Variants in GPHN observed in about 807,000 individuals in gnomAD.
GPHN encodes the protein gephyrin.
Under a neutral mutation model 95.5 loss-of-function variants are expected in GPHN, and 17 were observed. That is an observed-to-expected ratio of 0.18 (90% CI 0.12 to 0.27). The LOEUF (loss-of-function observed/expected upper bound fraction) is 0.27. GPHN is among the 10% of genes least tolerant of loss of function. The probability of loss-of-function intolerance (pLI) is 1.00; values close to 1 mark genes in which losing one functional copy is unlikely to be tolerated. For synonymous variants in GPHN, 320 were observed against 322.5 expected, an observed-to-expected ratio of 0.99 and a Z score of 0.08; for missense variants, 660 against 978.1, an observed-to-expected ratio of 0.67 and a Z score of 4.34.
rs577803031 is a variant in GPHN at position 67,118,729 on chromosome 14, C to A, written c.1627-3527C>A. 2.0e-5 allele frequency among the ~76,000 whole-genome samples: 3 copies of A among 150,326 alleles called. No homozygotes were observed. The East Asian group carries it at 5.9e-4, about 29-fold the overall frequency. On this transcript the variant is annotated intron_variant, in intron 16 of 22. Coordinates refer to ENST00000478722, the MANE Select transcript of GPHN (RefSeq NM_020806.5). ...CCAGGGCGACAGAGCGAGACTCCGT[C>A]TCAAAAAAAAAAAAAGATTCATCCC... is the stretch of plus-strand genomic sequence containing the variant.
intron 5 of GPHN, among the ~76,000 whole-genome samples, chr14:66,881,443 G>T (rs747961312): frequency 7.2e-5 from 11 of 151,752 alleles, no homozygotes; most frequent in Non-Finnish European, 1.2e-4. Flanking sequence ...CATCAGGAAA[G>T]AATTAAACTT....
intron 8 of GPHN, among the ~76,000 whole-genome samples, chr14:66,935,505 T>TA (rs1555445365): frequency 2.7e-5 from 4 of 150,028 alleles, no homozygotes; most frequent in Non-Finnish European, 4.4e-5. Flanking sequence ...GTGTGTGTTT[T>TA]TATATATATA....
chr14:66,859,007 T>C (rs2062913772), intron 4 of GPHN, among the ~76,000 whole-genome samples: 2 of 151,972 alleles, frequency 1.3e-5, no homozygotes, highest in African/African-American at 2.4e-5. Flanking sequence ...ACCAGGTAAA[T>C]GTCTAAGGTT....
chr14:66,967,025 T>C (rs2069379161), intron 9 of GPHN, among the ~76,000 whole-genome samples: 1 of 151,948 alleles, frequency 6.6e-6, no homozygotes, highest in South Asian at 2.1e-4. Context: ...GCAAGTGGCT[T>C]GTCTTGATAT....
the GPHN span, among the ~76,000 whole-genome samples, chr14:67,658,017 G>A: frequency 6.6e-6 from 1 of 152,116 alleles, no homozygotes; most frequent in Non-Finnish European, 1.5e-5. Context: ...CCAAGGTGCT[G>A]GGATTACAGG....
the GPHN span, chr14:67,467,978 A>AT: frequency 1.2e-3 from 174 of 146,430 alleles, no homozygotes; most frequent in South Asian, 1.5e-3. Context: ...TGCTATTTCA[A>AT]TTTTTTTTTT....
intron 9 of GPHN, among the ~76,000 whole-genome samples, chr14:66,971,540 G>C (rs989783331): frequency 1.3e-5 from 2 of 152,116 alleles, no homozygotes; most frequent in Non-Finnish European, 2.9e-5. Context: ...TGTTCTGATT[G>C]AAGAATAAAC....
the GPHN span, among the ~76,000 whole-genome samples, chr14:67,503,097 G>A: frequency 3.9e-5 from 6 of 152,280 alleles, no homozygotes; most frequent in Non-Finnish European, 8.8e-5. Flanking sequence ...TAGTGGCGCT[G>A]CACGGAGAGA....
intron 1 of GPHN, among the ~76,000 whole-genome samples, chr14:66,525,436 G>A (rs1185499286): frequency 6.6e-6 from 1 of 152,170 alleles, no homozygotes; most frequent in Non-Finnish European, 1.5e-5. Context: ...CTCCCATTCT[G>A]TAGGTTGCCT....
intron 10 of GPHN, among the ~76,000 whole-genome samples, chr14:67,026,997 C>T (rs1214418614): frequency 3.3e-5 from 5 of 152,102 alleles, no homozygotes; most frequent in Admixed American, 3.3e-4. Flanking sequence ...TTCAATAAGG[C>T]CTTCAAAACC....
intron 4 of GPHN, among the ~76,000 whole-genome samples, chr14:66,869,859 G>A (rs2063363645): frequency 6.6e-6 from 1 of 152,080 alleles, no homozygotes; most frequent in Non-Finnish European, 1.5e-5. Context: ...GGAAACTTAG[G>A]TTAAATATTT....
At chr14:67,632,513 G>A in the GPHN span, among the ~76,000 whole-genome samples, 2 of 152,112 alleles carry the variant, frequency 1.3e-5, no homozygotes, top group Non-Finnish European at 2.9e-5. Flanking sequence ...CTTAACACAG[G>A]AGGTGGTTTT....
chr14:67,070,090 T>A (rs1405315027), intron 11 of GPHN, among the ~76,000 whole-genome samples: 2 of 152,120 alleles, frequency 1.3e-5, no homozygotes, highest in Non-Finnish European at 1.5e-5. Context: ...AACTCATTCA[T>A]AATTCCCTTC....
the GPHN span, among the ~76,000 whole-genome samples, chr14:67,568,570 C>T: frequency 6.6e-6 from 1 of 152,020 alleles, no homozygotes; most frequent in African/African-American, 2.4e-5. Flanking sequence ...AAAACCTGCA[C>T]ATCTTGCATA....
At chr14:66,738,497 C>T (rs1176698018) in intron 2 of GPHN, among the ~76,000 whole-genome samples, 1 of 152,040 alleles carries the variant, frequency 6.6e-6, no homozygotes, top group Admixed American at 6.5e-5. Flanking sequence ...TACTTTAAAA[C>T]CTTTGCATTG....
chr14:67,668,558 T>C, the GPHN span, among the ~76,000 whole-genome samples: 3 of 152,210 alleles, frequency 2.0e-5, no homozygotes, highest in South Asian at 2.1e-4. Flanking sequence ...CAATCATATA[T>C]CAATATTTTC....
chr14:67,123,713 C>G (rs2079135698), intron 17 of GPHN, among the ~76,000 whole-genome samples: 2 of 152,150 alleles, frequency 1.3e-5, no homozygotes, highest in Non-Finnish European at 2.9e-5. Flanking sequence ...CTTCTCCAAC[C>G]CGTGGCCCAT....
chr14:67,334,368 A>C, the GPHN span: 2 of 152,616 alleles, frequency 1.3e-5, no homozygotes, highest in African/African-American at 4.8e-5. Context: ...TGTGTAACAA[A>C]CAACCTCAAA....
chr14:66,644,758 G>A (rs916887348), intron 1 of GPHN, among the ~76,000 whole-genome samples: 2 of 152,050 alleles, frequency 1.3e-5, no homozygotes, highest in African/African-American at 4.8e-5. Flanking sequence ...TAACCACTGT[G>A]CCAGTAAAAG....
Sources: gnomAD v4.1 joint callset for allele counts (sites outside exome capture counted in the v4.1 genomes callset) on GRCh38, gnomAD v4.1.1 for gene constraint, MANE v1.5 for transcripts, NCBI Gene and HGNC (gene_info 2026-07-23, HGNC 2026-07-21) for gene names.